KIAA2012: variants seen among roughly 807,000 people sequenced by gnomAD.
KIAA2012 encodes the protein KIAA2012, also known as uncharacterized protein KIAA2012.
KIAA2012 carries 125 observed loss-of-function variants against 150.6 expected under a neutral mutation model. The observed-to-expected ratio is 0.83, with a 90% CI of 0.72 to 0.96. The LOEUF (loss-of-function observed/expected upper bound fraction) is 0.96. KIAA2012 is among the 40% of genes least tolerant of loss of function. KIAA2012 has a pLI of 0.00. For synonymous variants in KIAA2012, 462 were observed against 504.7 expected (o/e 0.92, Z 1.13); for missense variants, 1,219 against 1,354.9 (o/e 0.90, Z 1.57).
chr2:202,085,820 T>C (rs1249418521), intron 2 of KIAA2012, among the ~76,000 whole-genome samples: 11 of 152,148 alleles, frequency 7.2e-5, no homozygotes, highest in Non-Finnish European at 1.5e-5. Context: ...GGCAACTCCC[T>C]GCACCATGGT....
chr2:202,168,351 G>A (rs1257141679), intron 15 of KIAA2012, among the ~76,000 whole-genome samples: 15 of 150,594 alleles, frequency 1.0e-4, no homozygotes, highest in Non-Finnish European at 1.9e-4. Flanking sequence ...CCCGGGAGGC[G>A]GAGGTTGCAG....
chr2:202,082,832 G>A (rs151035217), intron 2 of KIAA2012, among the ~76,000 whole-genome samples: 273 of 134,558 alleles, frequency 2.0e-3, no homozygotes, highest in African/African-American at 6.9e-3. Flanking sequence ...AATGGTGTAC[G>A]GTAAGAGTCC....
intron 11 of KIAA2012, 30 bp downstream of exon 11, chr2:202,113,476 T>G: frequency 1.1e-6 from 1 of 911,826 alleles, no homozygotes. Flanking sequence ...GGCAGCCTTG[T>G]TTTTTTTTTT....
intron 19 of KIAA2012, among the ~76,000 whole-genome samples, chr2:202,191,202 G>T (rs1298508813): frequency 6.7e-6 from 1 of 150,296 alleles, no homozygotes; most frequent in African/African-American, 2.5e-5. Flanking sequence ...GCTTGAACCT[G>T]GGAGGCAGAG....
In KIAA2012 at chr2:202,196,995, C is replaced by G. The variant is rs187370363; in HGVS notation, c.3383C>G (p.Thr1128Arg). 1 of 1,550,544 alleles carries G rather than the reference C, an allele frequency of 6.4e-7. No individual in the cohort carries two copies. Among genetic ancestry groups the G allele is most frequent in the South Asian group, 1.2e-5 (1 of 84,044 alleles). ...EAARLALEEA[T>R]KQAQEQARQK... ...GCAAGACTGGCTCTGGAAGAAGCCACGAAACAAGCCCAGGAACAAGCCAGG... is the reference window on the plus strand; with the variant it reads ...GCAAGACTGGCTCTGGAAGAAGCCAGGAAACAAGCCCAGGAACAAGCCAGG... Residue 1128 changes from threonine (T) to arginine (R), a missense_variant, in exon 22 of 24, where the codon ACG (threonine) becomes AGG (arginine). By Grantham distance (71) the Thr-to-Arg change is moderately conservative. Coordinates refer to ENST00000498697, the MANE Select transcript of KIAA2012 (RefSeq NM_001277372.4).
chr2:202,082,749 ACTT>A (rs1689479937), intron 2 of KIAA2012, among the ~76,000 whole-genome samples: 1 of 151,970 alleles, frequency 6.6e-6, no homozygotes, highest in African/African-American at 2.4e-5. Context: ...CTAGGGGAAA[ACTT>A]AGTTCTAAGA....
At chr2:202,182,284 T>C (rs763689574) in intron 15 of KIAA2012, among the ~76,000 whole-genome samples, 3 of 151,946 alleles carry the variant, frequency 2.0e-5, no homozygotes, top group Non-Finnish European at 4.4e-5. Context: ...GCTAATTTTG[T>C]ATTTTTACTA....
chr2:202,132,990 AG>A (rs1229361725), intron 12 of KIAA2012, among the ~76,000 whole-genome samples: 1 of 142,536 alleles, frequency 7.0e-6, no homozygotes, highest in African/African-American at 2.6e-5. Context: ...CTGTAGTCCC[AG>A]CTACTCAGGA....
chr2:202,100,095 T>A (rs1039424417), intron 6 of KIAA2012, among the ~76,000 whole-genome samples: 1 of 152,130 alleles, frequency 6.6e-6, no homozygotes, highest in Non-Finnish European at 1.5e-5. Context: ...AGAATGGGGA[T>A]AATAATTACC....
intron 13 of KIAA2012, among the ~76,000 whole-genome samples, 174 bp from the exon 14 acceptor site, chr2:202,154,499 C>T (rs1691484867): frequency 6.6e-6 from 1 of 152,180 alleles, no homozygotes; most frequent in Admixed American, 6.5e-5. Context: ...CAGTCTTGGG[C>T]TATTTTCTCT....
chr2:202,161,077 C>T (rs1291539428), intron 14 of KIAA2012, among the ~76,000 whole-genome samples: 1 of 152,224 alleles, frequency 6.6e-6, no homozygotes, highest in Non-Finnish European at 1.5e-5. Context: ...CCTAAGATCA[C>T]TTGTCCAGCA....
intron 11 of KIAA2012, among the ~76,000 whole-genome samples, chr2:202,123,293 C>A (rs1348898759): frequency 6.6e-6 from 1 of 152,188 alleles, no homozygotes; most frequent in Non-Finnish European, 1.5e-5. Context: ...TTTCAACCAC[C>A]CACCACTCAA....
At chr2:202,100,577 T>A in intron 7 of KIAA2012, 128 bp downstream of exon 7, 1 of 1,078,012 alleles carries the variant, frequency 9.3e-7, no homozygotes, top group Non-Finnish European at 1.3e-6. Flanking sequence ...CTCTCTAGCG[T>A]CTGAGCTGAC....
intron 22 of KIAA2012, chr2:202,201,907 G>A (rs561072883): frequency 1.6e-5 from 15 of 945,904 alleles, no homozygotes; most frequent in South Asian, 1.5e-4. Flanking sequence ...GGTCCGGTTC[G>A]TCTCGGCATC....
At chr2:202,183,478 T>A (rs1284835395) in intron 15 of KIAA2012, among the ~76,000 whole-genome samples, 1 of 60,758 alleles carries the variant, frequency 1.6e-5, no homozygotes, top group Non-Finnish European at 4.1e-5. Flanking sequence ...TTTTTTAAAT[T>A]TTTTTTTTTT....
intron 13 of KIAA2012, among the ~76,000 whole-genome samples, chr2:202,148,246 G>T (rs1289260010): frequency 6.6e-6 from 1 of 152,106 alleles, no homozygotes; most frequent in African/African-American, 2.4e-5. Flanking sequence ...GTCACGAAAT[G>T]AGCCCCTCAC....
At chr2:202,084,066 C>T (rs910709031) in intron 2 of KIAA2012, among the ~76,000 whole-genome samples, 2 of 152,108 alleles carry the variant, frequency 1.3e-5, no homozygotes, top group African/African-American at 4.8e-5. Context: ...TAGCCAGGCT[C>T]CCTGCTGGAA....
intron 23 of KIAA2012, among the ~76,000 whole-genome samples, chr2:202,204,607 T>C (rs1692603681): frequency 6.6e-6 from 1 of 152,216 alleles, no homozygotes; most frequent in Admixed American, 6.5e-5. Context: ...CAATTCCTCA[T>C]TAATGTTTGT....
At chr2:202,160,451 C>T (rs1691628054) in intron 14 of KIAA2012, among the ~76,000 whole-genome samples, 3 of 151,644 alleles carry the variant, frequency 2.0e-5, no homozygotes, top group Admixed American at 2.0e-4. Flanking sequence ...GTAGCTGGGA[C>T]TACAGGCGCC....
Sources: allele counts gnomAD v4.1 joint callset (sites outside exome capture counted in the v4.1 genomes callset), GRCh38; gene constraint gnomAD v4.1.1; transcripts MANE v1.5; gene names NCBI Gene and HGNC (gene_info 2026-07-23, HGNC 2026-07-21).